C7: variants seen among roughly 807,000 people sequenced by gnomAD.
The protein encoded by C7 is complement component C7.
A neutral mutation model predicts 104.8 loss-of-function variants in C7; 83 were observed. The observed-to-expected ratio is 0.79, with a 90% CI of 0.66 to 0.95. C7 has a LOEUF of 0.95. C7 is among the 40% of genes least tolerant of loss of function. C7 has a pLI of 0.00. For synonymous variants in C7, 415 were observed against 360.6 expected (o/e 1.15, Z -1.71); for missense variants, 1,070 against 1,011.2 (o/e 1.06, Z -0.79).
In C7 at chr5:40,947,759, A is replaced by G; in HGVS notation, c.896A>G (p.Tyr299Cys). 1 of 1,613,774 alleles carries G rather than the reference A, an allele frequency of 6.2e-7. No individual in the cohort carries two copies. The highest frequency in any genetic ancestry group is 1.7e-5 in the Admixed American group (1 of 59,996). ...GCCTACCGAAGATTAATCGACCAGT[A>G]CGGGACACATTATCTGCAATCTGGG... ...YSAYRRLIDQ[Y>C]GTHYLQSGSL... The change falls in exon 8 of 18, where the codon TAC becomes TGC. Residue 299 changes from tyrosine to cysteine, a missense_variant. Physicochemically the swap from Tyr to Cys is radical, Grantham distance 194. Coordinates refer to ENST00000313164, the MANE Select transcript of C7 (RefSeq NM_000587.4).
At chr5:40,942,555 T>A (rs1328534599) in intron 6 of C7, among the ~76,000 whole-genome samples, 2 of 151,884 alleles carry the variant, frequency 1.3e-5, no homozygotes, top group Non-Finnish European at 2.9e-5. Flanking sequence ...CTTCTGAGAG[T>A]GAAGGAAGTG....
intron 6 of C7, among the ~76,000 whole-genome samples, chr5:40,940,645 C>T (rs539158874): frequency 6.6e-6 from 1 of 152,272 alleles, no homozygotes; most frequent in African/African-American, 2.4e-5. Flanking sequence ...CCTGAGATTT[C>T]TAAATCTACC....
intron 1 of C7, among the ~76,000 whole-genome samples, chr5:40,914,658 G>A (rs968172378): frequency 2.0e-5 from 3 of 152,038 alleles, no homozygotes; most frequent in Non-Finnish European, 4.4e-5. Flanking sequence ...AGAGACAGGA[G>A]GACCTTCACA....
At chr5:40,954,590 T>C (rs1488807048) in intron 9 of C7, among the ~76,000 whole-genome samples, 1 of 151,910 alleles carries the variant, frequency 6.6e-6, no homozygotes, top group Non-Finnish European at 1.5e-5. Flanking sequence ...TTAAAAAATA[T>C]ACCTTAGTTT....
intron 16 of C7, among the ~76,000 whole-genome samples, chr5:40,977,734 C>T (rs1483595814): frequency 6.6e-6 from 1 of 152,134 alleles, no homozygotes; most frequent in Non-Finnish European, 1.5e-5. Context: ...ACGATGTGGC[C>T]CATACATGTC....
At chr5:40,939,268 A>T (rs1015168220) in intron 6 of C7, among the ~76,000 whole-genome samples, 1 of 152,214 alleles carries the variant, frequency 6.6e-6, no homozygotes, top group Non-Finnish European at 1.5e-5. Flanking sequence ...AGTAAAACAG[A>T]TCTGAAAAAT....
At position 40,936,448 on chromosome 5, in the gene C7, G is replaced by C. The variant is rs755439553; in HGVS notation, c.391G>C (p.Asp131His). 1 of 1,613,196 alleles carries C rather than the reference G, an allele frequency of 6.2e-7. No homozygotes were observed. Among genetic ancestry groups the C allele is most frequent in the Admixed American group, 1.7e-5 (1 of 59,904 alleles). Residue 131 changes from aspartate to histidine, a missense_variant, in exon 5 of 18, where the codon GAT (aspartate) becomes CAT (histidine). Coordinates refer to ENST00000313164, the MANE Select transcript of C7 (RefSeq NM_000587.4). ...DSERRPSCDI[D>H]KPPPNIELTG... Reference sequence around the variant, plus strand: ...AGAAAGGAGACCTTCCTGTGATATCGATAAACCTCCTCCTAACATAGAACT... The same window carrying C: ...AGAAAGGAGACCTTCCTGTGATATCCATAAACCTCCTCCTAACATAGAACT...
At chr5:40,963,432 C>CCTTCCT (rs1740463677) in intron 13 of C7, among the ~76,000 whole-genome samples, 1 of 152,142 alleles carries the variant, frequency 6.6e-6, no homozygotes, top group African/African-American at 2.4e-5. Flanking sequence ...GGAATAGGAT[C>CCTTCCT]ATGAGTCGAA....
chr5:40,947,052 G>T (rs1358541814), intron 7 of C7, among the ~76,000 whole-genome samples: 3 of 149,956 alleles, frequency 2.0e-5, no homozygotes, highest in Non-Finnish European at 4.4e-5. Context: ...CTCACTATCT[G>T]TCCAGATGTG....
chr5:40,980,067 C>G, intron 17 of C7, 158 bp downstream of exon 17: 1 of 488,188 alleles, frequency 2.0e-6, no homozygotes, highest in East Asian at 3.3e-5. Flanking sequence ...TCCTATACCC[C>G]TCACTGGAGA....
At chr5:40,970,641 G>A (rs1342355174) in intron 14 of C7, among the ~76,000 whole-genome samples, 1 of 152,040 alleles carries the variant, frequency 6.6e-6, no homozygotes, top group Non-Finnish European at 1.5e-5. Context: ...TGTTGAATGT[G>A]CAGGTTTGTT....
In C7 at chr5:40,961,682, C is replaced by T. The variant is rs117600692; in HGVS notation, c.1662-403C>T. Among the ~76,000 whole-genome samples, 385 of 152,182 alleles carry T rather than the reference C, an allele frequency of 2.5e-3. 10 individuals are homozygous for T. The highest frequency in any genetic ancestry group is 0.021 in the Admixed American group (316 of 15,284). On this transcript the variant is annotated intron_variant, in intron 12 of 17. Transcript: ENST00000313164. ...ATTACAGGCGTGAGCTGTCGCATCT[C>T]GTCCAATACCTTATTTTCAATACAG...
intron 16 of C7, among the ~76,000 whole-genome samples, chr5:40,978,991 TG>T (rs1434697081): frequency 6.7e-6 from 1 of 150,116 alleles, no homozygotes; most frequent in Admixed American, 6.7e-5. Flanking sequence ...GTGATTCTCA[TG>T]CTTCAGCCTC....
intron 14 of C7, among the ~76,000 whole-genome samples, chr5:40,969,835 CA>C (rs1740655335): frequency 1.3e-5 from 2 of 151,704 alleles, no homozygotes; most frequent in African/African-American, 2.4e-5. Flanking sequence ...ATGTAATCAC[CA>C]CATTAGACTT....
intron 6 of C7, among the ~76,000 whole-genome samples, chr5:40,942,410 T>C (rs762799791): frequency 6.6e-6 from 1 of 152,056 alleles, no homozygotes; most frequent in Non-Finnish European, 1.5e-5. Flanking sequence ...AGAGAAAATT[T>C]ATCCTAAGAC....
chr5:40,958,344 T>C, intron 11 of C7, 83 bp downstream of exon 11: 1 of 804,120 alleles, frequency 1.2e-6, no homozygotes, highest in East Asian at 2.6e-5. Flanking sequence ...AGATGCTTCT[T>C]TGTGTATGAA....
chr5:40,927,069 A>C (rs1739568600), intron 1 of C7, among the ~76,000 whole-genome samples: 1 of 151,848 alleles, frequency 6.6e-6, no homozygotes, highest in African/African-American at 2.4e-5. Flanking sequence ...AGTGGAACAG[A>C]ATAGAGAGCC....
Position 40,982,218 on chromosome 5 carries a change from C to T in C7, c.*645C>T, listed in dbSNP as rs2111739235. The T allele has an allele frequency of 6.6e-6, 1 of 152,144 alleles. No homozygotes were observed. Among genetic ancestry groups the T allele is most frequent in the South Asian group, 2.1e-4 (1 of 4,812 alleles). 9.4% of individuals were successfully genotyped at this position (152,144 alleles called of 1,614,324 possible). ...GAGCGCAGTGGGGTGATCTCATCTC[C>T]CTGCAACCTCCGCCTCCTGGGTTCA... On this transcript the variant is annotated 3_prime_UTR_variant, in exon 18 of 18. Transcript: ENST00000313164.
At chr5:40,937,426 G>C (rs1329594956) in intron 5 of C7, 126 bp from the exon 6 acceptor site, 9 of 835,814 alleles carry the variant, frequency 1.1e-5, no homozygotes, top group Non-Finnish European at 1.6e-5. Flanking sequence ...TCTCAAAGAA[G>C]TGTTTAAGTG....
Sources: allele counts gnomAD v4.1 joint callset (sites outside exome capture counted in the v4.1 genomes callset), GRCh38; gene constraint gnomAD v4.1.1; transcripts MANE v1.5; gene names NCBI Gene and HGNC (gene_info 2026-07-23, HGNC 2026-07-21).